The following LAPTM4B variants were observed in gnomAD, a reference collection of about 807,000 sequenced individuals.
LAPTM4B encodes the protein lysosomal protein transmembrane 4 beta.
LAPTM4B carries 26 observed loss-of-function variants against 28.5 expected under a neutral mutation model. The observed-to-expected ratio is 0.91, with a 90% CI of 0.67 to 1.27. The LOEUF is 1.27. LAPTM4B is among the 50% of genes most tolerant of loss of function. The pLI is 0.00. For missense variants in LAPTM4B, 288 were observed against 285.8 expected, an observed-to-expected ratio of 1.01 and a Z score of -0.06; for synonymous variants, 109 against 106.4, an observed-to-expected ratio of 1.02 and a Z score of -0.15.
intron 6 of LAPTM4B, among the ~76,000 whole-genome samples, chr8:97,831,722 G>T (rs1457405295): frequency 6.6e-6 from 1 of 152,204 alleles, no homozygotes; most frequent in African/African-American, 2.4e-5. Flanking sequence ...GGGAGTGATA[G>T]ATGAGAAAGA....
chr8:97,824,667 CA>C (rs1162311402), intron 5 of LAPTM4B, among the ~76,000 whole-genome samples: 2 of 152,108 alleles, frequency 1.3e-5, no homozygotes, highest in Admixed American at 1.3e-4. Flanking sequence ...TCCAAAGAAG[CA>C]GTTAAACTGT....
intron 6 of LAPTM4B, among the ~76,000 whole-genome samples, chr8:97,828,952 G>A (rs759779281): frequency 6.6e-6 from 1 of 152,162 alleles, no homozygotes; most frequent in Non-Finnish European, 1.5e-5. Context: ...TGGGTTTTGG[G>A]AGTAAGGAAG....
intron 6 of LAPTM4B, 133 bp from the exon 7 acceptor site, chr8:97,851,264 C>T (rs1418011637): frequency 2.7e-6 from 2 of 731,792 alleles, no homozygotes; most frequent in Non-Finnish European, 4.9e-6. Flanking sequence ...GAAGTGTATC[C>T]ACTTGCTAGA....
At position 97,844,896 on chromosome 8, in the gene LAPTM4B, T is replaced by C. The variant is rs966338320; in HGVS notation, c.604-6501T>C. On this transcript the variant is annotated intron_variant, in intron 6 of 6. Coordinates refer to ENST00000521545, the MANE Select transcript of LAPTM4B (RefSeq NM_018407.6). ...CTTTCCATTTTGACTGCCATGATTA[T>C]CTTTTTATTTTTAAAATGTTGCTTT... Among the ~76,000 whole-genome samples the C allele has an allele frequency of 2.6e-5, 4 of 152,194 alleles. No individual in the cohort carries two copies. In the East Asian group the frequency reaches 7.7e-4, roughly 29 times the overall value.
At chr8:97,842,649 G>A (rs186196719) in intron 6 of LAPTM4B, among the ~76,000 whole-genome samples, 3 of 152,106 alleles carry the variant, frequency 2.0e-5, no homozygotes, top group African/African-American at 7.2e-5. Context: ...CTCCAGAGTA[G>A]TTGGGACTAC....
chr8:97,814,614 G>A lies in LAPTM4B; in HGVS notation c.212-714G>A, dbSNP rs188942963. On this transcript the variant is annotated intron_variant, in intron 2 of 6. Transcript: ENST00000521545. ...AGAGCAAGCAAGAGAGTGGGACAAG[G>A]TGAGGCGAGATTAGAGAGGTAGACT... is the stretch of plus-strand genomic sequence containing the variant. Among the ~76,000 whole-genome samples, 345 of 152,326 alleles carry A rather than the reference G, an allele frequency of 2.3e-3. 1 individual carries two copies. The highest frequency in any genetic ancestry group is 7.5e-3 in the African/African-American group (313 of 41,576).
intron 6 of LAPTM4B, among the ~76,000 whole-genome samples, chr8:97,848,061 C>G (rs535235369): frequency 2.0e-5 from 3 of 152,264 alleles, no homozygotes; most frequent in African/African-American, 7.2e-5. Flanking sequence ...GGCAGAAGTT[C>G]TGGACCAGCC....
intron 1 of LAPTM4B, among the ~76,000 whole-genome samples, chr8:97,792,041 A>T (rs886876393): frequency 8.5e-5 from 13 of 152,162 alleles, no homozygotes; most frequent in African/African-American, 2.2e-4. Flanking sequence ...TTAAAAAATT[A>T]TATCTGTTGA....
At chr8:97,788,881 A>T (rs1172570435) in intron 1 of LAPTM4B, among the ~76,000 whole-genome samples, 2 of 151,744 alleles carry the variant, frequency 1.3e-5, no homozygotes, top group Non-Finnish European at 2.9e-5. Flanking sequence ...TTTTTAGTAC[A>T]GACGGGGTTT....
chr8:97,786,099 G>T (rs577131438), intron 1 of LAPTM4B, among the ~76,000 whole-genome samples: 1 of 152,306 alleles, frequency 6.6e-6, no homozygotes, highest in African/African-American at 2.4e-5. Context: ...AGGAATGCTA[G>T]TGGAAATAAT....
intron 1 of LAPTM4B, among the ~76,000 whole-genome samples, chr8:97,783,726 C>A (rs1300028240): frequency 6.6e-6 from 1 of 152,200 alleles, no homozygotes; most frequent in African/African-American, 2.4e-5. Flanking sequence ...ACAAGACCAC[C>A]TTCCCTAGCC....
intron 5 of LAPTM4B, among the ~76,000 whole-genome samples, chr8:97,824,447 G>A (rs558019660): frequency 6.6e-6 from 1 of 152,246 alleles, no homozygotes; most frequent in South Asian, 2.1e-4. Flanking sequence ...AGAGTTCATA[G>A]CTTAAACATC....
Position 97,851,807 on chromosome 8 carries a change from C to G in LAPTM4B, c.*333C>G. ...GCCCCAAAGTTGGGCATTTTTCTCT[C>G]TGTTCCCTCTCTTTTGAAAATGTAA... On this transcript the variant is annotated 3_prime_UTR_variant, in exon 7 of 7. Coordinates refer to ENST00000521545, the MANE Select transcript of LAPTM4B (RefSeq NM_018407.6). 2 of 287,198 alleles carry G rather than the reference C, an allele frequency of 7.0e-6. No individual in the cohort carries two copies. Among genetic ancestry groups the G allele is most frequent in the Non-Finnish European group, 6.4e-6 (1 of 156,262 alleles). The allele number at this position is 287,198 out of a possible 1,614,324, so 17.8% of individuals were successfully genotyped here. A position where few individuals can be genotyped will look rare whatever the true frequency, so the allele number is the denominator to read the frequency against.
At chr8:97,783,410 C>A (rs1816354471) in intron 1 of LAPTM4B, among the ~76,000 whole-genome samples, 1 of 152,084 alleles carries the variant, frequency 6.6e-6, no homozygotes, top group African/African-American at 2.4e-5. Context: ...GAATATCTCA[C>A]CCAAAATATA....
At chr8:97,846,758 T>A (rs1171179873) in intron 6 of LAPTM4B, among the ~76,000 whole-genome samples, 1 of 152,218 alleles carries the variant, frequency 6.6e-6, no homozygotes, top group Non-Finnish European at 1.5e-5. Context: ...AGTCTTGCTA[T>A]TTTGCCCAGG....
chr8:97,844,275 G>T (rs1817396933), intron 6 of LAPTM4B, among the ~76,000 whole-genome samples: 1 of 151,934 alleles, frequency 6.6e-6, no homozygotes, highest in Non-Finnish European at 1.5e-5. Flanking sequence ...CTTTTTTGTT[G>T]TTGTTGAGAT....
At chr8:97,848,432 AATC>A (rs1466094257) in intron 6 of LAPTM4B, among the ~76,000 whole-genome samples, 1 of 151,088 alleles carries the variant, frequency 6.6e-6, no homozygotes, top group African/African-American at 2.5e-5. Context: ...ATCTTATGTT[AATC>A]TTCTGTGAAC....
chr8:97,832,763 C>T (rs1321665045), intron 6 of LAPTM4B, among the ~76,000 whole-genome samples: 1 of 148,060 alleles, frequency 6.8e-6, no homozygotes, highest in African/African-American at 2.5e-5. Flanking sequence ...CTGGAGTGCA[C>T]TGGCGCGATC....
intron 4 of LAPTM4B, 41 bp downstream of exon 4, chr8:97,816,221 CA>C: frequency 6.3e-7 from 1 of 1,576,400 alleles, no homozygotes; most frequent in African/African-American, 1.4e-5. Context: ...TAATTCTTTT[CA>C]TTAGGGAAGC....
Sources: allele counts gnomAD v4.1 joint callset (sites outside exome capture counted in the v4.1 genomes callset), GRCh38; gene constraint gnomAD v4.1.1; transcripts MANE v1.5; gene names NCBI Gene and HGNC (gene_info 2026-07-23, HGNC 2026-07-21).